HIP1R: variants seen among roughly 807,000 people sequenced by gnomAD.
HIP1R encodes the protein huntingtin-interacting protein 1-related protein.
Under a neutral mutation model 144.2 loss-of-function variants are expected in HIP1R, and 135 were observed. That is an observed-to-expected ratio of 0.94 (90% CI 0.81 to 1.08). HIP1R has a LOEUF of 1.08. HIP1R is among the 50% of genes least tolerant of loss of function. The probability of loss-of-function intolerance (pLI) is 0.00; values close to 1 mark genes in which losing one functional copy is unlikely to be tolerated. For missense variants in HIP1R, 1,462 were observed against 1,432.8 expected, an observed-to-expected ratio of 1.02 and a Z score of -0.33; for synonymous variants, 698 against 612.8, an observed-to-expected ratio of 1.14 and a Z score of -2.05.
intron 7 of HIP1R, chr12:122,853,821 G>GACCC (rs1339451439): frequency 4.3e-6 from 2 of 468,650 alleles, no homozygotes; most frequent in Admixed American, 8.0e-5. Flanking sequence ...GCTGGGCTGG[G>GACCC]AGCTCCTTTG....
chr12:122,854,140 C>T lies in HIP1R; in HGVS notation c.675C>T (p.His225=). Residue 225 remains histidine, a synonymous_variant, in exon 8 of 32, where the codon CAC becomes CAT. Transcript: ENST00000253083. The stretch of plus-strand genomic sequence containing the variant: ...TCCAGGTCATCCAGGACTGCAGCCA[C>T]CTCTACCACTACACGGTCAAGCTCC... The part of the protein sequence containing the change: ...PLIQVIQDCS[H]LYHYTVKLLF... The T allele has an allele frequency of 6.2e-7, 1 of 1,613,948 alleles. No individual in the cohort carries two copies. Among genetic ancestry groups the T allele is most frequent in the Non-Finnish European group, 8.5e-7 (1 of 1,179,962 alleles).
rs1470565867 is a variant in HIP1R, at chr12:122,835,970, C to G, written c.93+327C>G. Among the ~76,000 whole-genome samples the G allele has an allele frequency of 4.0e-5, 6 of 150,800 alleles. No individual in the cohort carries two copies. In the South Asian group the frequency reaches 6.3e-4, roughly 16 times the overall value. ...GCCGGGAGCGCCGGAGCTGAGGCGG[C>G]GGGGGACGGAGATGGGGCCGGGGTT... On this transcript the variant is annotated intron_variant, in intron 1 of 31. Transcript: ENST00000253083.
In HIP1R at chr12:122,862,347, G is replaced by C. The variant is rs930537696; in HGVS notation, c.*594G>C. ...CCTCAGGCCTGGCCCTCGGGCCTCC[G>C]TGATGGGAGCCCCCCAGGAGGGGTC... On this transcript the variant is annotated 3_prime_UTR_variant, in exon 32 of 32. Coordinates refer to ENST00000253083, the MANE Select transcript of HIP1R (RefSeq NM_003959.3). 1.3e-5 allele frequency: 2 copies of C among 152,438 alleles called. No homozygotes were observed. Among genetic ancestry groups the C allele is most frequent in the African/African-American group, 4.8e-5 (2 of 41,448 alleles). The allele number at this position is 152,438 out of a possible 1,614,324, so 9.4% of individuals were successfully genotyped here.
At chr12:122,846,198 C>T (rs1173646495) in intron 1 of HIP1R, among the ~76,000 whole-genome samples, 1 of 152,088 alleles carries the variant, frequency 6.6e-6, no homozygotes. Context: ...GCCCTGGGAG[C>T]CCCTCCCCAC....
At chr12:122,848,357 C>A in intron 2 of HIP1R, 109 bp from the exon 3 acceptor site, 2 of 1,354,124 alleles carry the variant, frequency 1.5e-6, no homozygotes, top group Non-Finnish European at 2.0e-6. Flanking sequence ...GGTTGATGGG[C>A]ACGTGATTGG....
In HIP1R at chr12:122,857,212, G is replaced by C. The variant is rs1315148736; in HGVS notation, c.1812G>C (p.Glu604Asp). The change falls in exon 18 of 32, where the codon GAG becomes GAC. Residue 604 changes from glutamate to aspartate, a missense_variant. By Grantham distance (45) the Glu-to-Asp change is conservative. Coordinates refer to ENST00000253083, the MANE Select transcript of HIP1R (RefSeq NM_003959.3). ...EQGELQGRLA[E>D]RESQEQGLRQ... ...GCGAGTTGCAGGGCCGGCTGGCAGA[G>C]AGGGTATGGCCTCCCCAGATGCAGC... 1.3e-5 allele frequency: 20 copies of C among 1,550,256 alleles called. No homozygotes were observed. The highest frequency in any genetic ancestry group is 1.7e-5 in the Non-Finnish European group (19 of 1,146,796).
At chr12:122,857,658 A>C in intron 18 of HIP1R, 1 of 290,312 alleles carries the variant, frequency 3.4e-6, no homozygotes, top group Non-Finnish European at 6.5e-6. Context: ...AAACTACCAG[A>C]CTGTTTTCCA....
intron 24 of HIP1R, 63 bp downstream of exon 24, chr12:122,859,893 C>G: frequency 1.3e-6 from 2 of 1,527,210 alleles, no homozygotes; most frequent in Non-Finnish European, 1.8e-6. Flanking sequence ...CCCTAAGGTT[C>G]TGCCCCCAAC....
chr12:122,861,683 C>A, intron 31 of HIP1R, 23 bp from the exon 32 acceptor site: 3 of 1,613,332 alleles, frequency 1.9e-6, no homozygotes, highest in Non-Finnish European at 2.5e-6. Context: ...TGACCACTGA[C>A]CCCCCACCTT....
chr12:122,850,070 C>A (rs929593604), intron 5 of HIP1R, 115 bp downstream of exon 5: 2 of 753,480 alleles, frequency 2.7e-6, no homozygotes, highest in East Asian at 5.3e-5. Flanking sequence ...TGAGTCTTTC[C>A]ATTCACCTTC....
intron 1 of HIP1R, among the ~76,000 whole-genome samples, chr12:122,841,445 C>G (rs1402841810): frequency 4.6e-5 from 7 of 152,144 alleles, no homozygotes; most frequent in African/African-American, 1.7e-4. Flanking sequence ...CAGGCAGGGC[C>G]GCGTCGTAAG....
chr12:122,859,603 G>T, intron 23 of HIP1R, 67 bp downstream of exon 23: 1 of 1,417,124 alleles, frequency 7.1e-7, no homozygotes, highest in Non-Finnish European at 9.8e-7. Context: ...CCCCAACTGG[G>T]CTGGGTACAG....
intron 3 of HIP1R, 46 bp downstream of exon 3, chr12:122,848,654 C>T (rs774203549): frequency 1.3e-6 from 2 of 1,597,354 alleles, no homozygotes; most frequent in Admixed American, 3.4e-5. Context: ...GGGGCACTGT[C>T]CCGCGGACAT....
intron 12 of HIP1R, 80 bp downstream of exon 12, chr12:122,855,692 G>T: frequency 2.6e-6 from 4 of 1,526,476 alleles, no homozygotes; most frequent in Non-Finnish European, 3.6e-6. Flanking sequence ...AGTTCTGTCT[G>T]GAAAGGCCAT....
chr12:122,850,063 G>A (rs1566105803), intron 5 of HIP1R, 108 bp downstream of exon 5: 1 of 773,146 alleles, frequency 1.3e-6, no homozygotes, highest in Non-Finnish European at 2.3e-6. Flanking sequence ...CTCTCCATGA[G>A]TCTTTCCATT....
intron 4 of HIP1R, among the ~76,000 whole-genome samples, chr12:122,849,062 C>T (rs2033296614): frequency 6.6e-6 from 1 of 152,232 alleles, no homozygotes; most frequent in South Asian, 2.1e-4. Flanking sequence ...GGCCCTCCAG[C>T]GTCGAAGTCA....
chr12:122,851,141 G>A (rs1450058804), intron 6 of HIP1R, 95 bp from the exon 7 acceptor site: 31 of 1,129,398 alleles, frequency 2.7e-5, no homozygotes, highest in Non-Finnish European at 3.2e-5. Flanking sequence ...CCATGGTGTC[G>A]GCGGTGCCCC....
chr12:122,855,514 C>T (rs1298234085), intron 11 of HIP1R, 37 bp from the exon 12 acceptor site: 15 of 1,549,232 alleles, frequency 9.7e-6, no homozygotes, highest in Middle Eastern at 4.6e-4. Context: ...GCCTGGAGGG[C>T]ACAGGTGAGT....
Position 122,853,712 on chromosome 12 carries a change from TG to T in HIP1R, c.578-328del, listed in dbSNP as rs1593878093. On this transcript the variant is annotated intron_variant, in intron 7 of 31. Transcript: ENST00000253083. ...CTCCTTCCTGCTCTAACATTCAGCG[TG>T]GGTTTGAGGCCCGTGGGCATGGAGC... The T allele has an allele frequency of 1.2e-5, 3 of 247,124 alleles. No individual in the cohort carries two copies. The East Asian group carries it at 2.7e-4, about 22-fold the overall frequency. 15.3% of individuals were successfully genotyped at this position (247,124 alleles called of 1,614,324 possible). A position where few individuals can be genotyped will look rare whatever the true frequency, so the allele number is the denominator to read the frequency against.
Sources: allele counts gnomAD v4.1 joint callset (sites outside exome capture counted in the v4.1 genomes callset), GRCh38; gene constraint gnomAD v4.1.1; transcripts MANE v1.5; gene names NCBI Gene and HGNC (gene_info 2026-07-23, HGNC 2026-07-21).